The following USH2A variants were observed in gnomAD, a reference collection of about 807,000 sequenced individuals.
USH2A encodes the protein Usher syndrome 2A (autosomal recessive, mild).
In USH2A, 443 loss-of-function variants were observed where a neutral mutation model predicts 538.9. The observed-to-expected ratio is 0.82, with a 90% CI of 0.76 to 0.89. USH2A has a LOEUF of 0.89. Ranked by LOEUF, USH2A falls within the 40% of genes least tolerant of loss-of-function variation. USH2A has a pLI of 0.00. For missense variants in USH2A, 6,633 were observed against 6,324.8 expected, an observed-to-expected ratio of 1.05 and a Z score of -1.65; for synonymous variants, 2,413 against 2,273.5, an observed-to-expected ratio of 1.06 and a Z score of -1.75.
intron 44 of USH2A, among the ~76,000 whole-genome samples, chr1:215,856,455 C>T (rs977212051): frequency 1.3e-4 from 20 of 152,146 alleles, no homozygotes; most frequent in Non-Finnish European, 2.1e-4. Context: ...AAATACTCAA[C>T]ATCACTAATG....
intron 4 of USH2A, among the ~76,000 whole-genome samples, chr1:216,362,191 A>C (rs2038504479): frequency 6.6e-6 from 1 of 152,182 alleles, no homozygotes. Flanking sequence ...GCCATCAAAA[A>C]ACTGAAGAAA....
chr1:216,370,676 T>TCAAAAAAAAAAAAA (rs2038694437), intron 3 of USH2A, among the ~76,000 whole-genome samples: 2 of 5,996 alleles, frequency 3.3e-4, no homozygotes, highest in Non-Finnish European at 5.9e-4. Context: ...AGACTCTGTC[T>TCAAAAAAAAAAAAA]CAAAAAAAAA....
Position 216,409,417 on chromosome 1 carries a change from TAGAC to T in USH2A, c.651+9093_651+9096del, listed in dbSNP as rs576417810. On this transcript the variant is annotated intron_variant, in intron 3 of 71. Transcript: ENST00000307340. ...ATATAAAACCAAAAATGAGCCCAAATAGACAGAGAATCCTACACAAAAATAACAA... is the reference window on the plus strand; with the variant it reads ...ATATAAAACCAAAAATGAGCCCAAATAGAGAATCCTACACAAAAATAACAA... Among the ~76,000 whole-genome samples, 28 of 152,102 alleles carry T rather than the reference TAGAC, an allele frequency of 1.8e-4. No individual in the cohort carries two copies. The East Asian group carries it at 4.8e-3, about 26-fold the overall frequency.
At position 216,175,335 on chromosome 1, in the gene USH2A, G is replaced by A. The variant is rs373599651; in HGVS notation, c.4544C>T (p.Thr1515Met). Residue 1515 changes from threonine to methionine, a missense_variant, in exon 21 of 72, where the codon ACG becomes ATG. Coordinates refer to ENST00000307340, the MANE Select transcript of USH2A (RefSeq NM_206933.4). ...RESSLPALMT[T>M]MMKGIRFIGN... ...TATGAAACGGATTCCTTTCATCATCGTGGTCATCAGAGCTGGTAGAGATGA... is the reference window on the plus strand; with the variant it reads ...TATGAAACGGATTCCTTTCATCATCATGGTCATCAGAGCTGGTAGAGATGA... 72 of 1,613,636 alleles carry A rather than the reference G, an allele frequency of 4.5e-5. No homozygotes were observed. Among genetic ancestry groups the A allele is most frequent in the Middle Eastern group, 3.3e-4 (2 of 6,082 alleles).
rs1287393756 is a variant in USH2A at position 216,033,160 on chromosome 1, T to C, written c.6325+13271A>G. ...AAATAAGACAGAATCTGAATCTGCA[T>C]CTGCCTGCATTCCTGAATGACTGTG... On this transcript the variant is annotated intron_variant, in intron 32 of 71. Coordinates refer to ENST00000307340, the MANE Select transcript of USH2A (RefSeq NM_206933.4). Among the ~76,000 whole-genome samples, 3 of 152,202 alleles carry C rather than the reference T, an allele frequency of 2.0e-5. No individual in the cohort carries two copies. In the East Asian group the frequency reaches 5.8e-4, roughly 29 times the overall value.
chr1:215,819,750 A>G (rs557140206), intron 47 of USH2A, among the ~76,000 whole-genome samples: 3 of 151,934 alleles, frequency 2.0e-5, no homozygotes, highest in South Asian at 2.1e-4. Flanking sequence ...CTTGTGCAAC[A>G]TAACTGTTAA....
intron 35 of USH2A, among the ~76,000 whole-genome samples, chr1:215,981,342 C>T (rs1425426695): frequency 6.6e-6 from 1 of 151,966 alleles, no homozygotes; most frequent in South Asian, 2.1e-4. Context: ...AATATCATCT[C>T]TCTTATTATT....
chr1:216,338,121 A>T (rs2038008662), intron 4 of USH2A, among the ~76,000 whole-genome samples: 1 of 151,512 alleles, frequency 6.6e-6, no homozygotes, highest in South Asian at 2.1e-4. Context: ...CAATTCCAAT[A>T]AAAAATCTCA....
At chr1:216,262,407 A>G (rs149636318) in intron 11 of USH2A, among the ~76,000 whole-genome samples, 373 of 152,230 alleles carry the variant, frequency 2.5e-3, no homozygotes, top group African/African-American at 8.6e-3. Flanking sequence ...ATTGGAGCTG[A>G]GCAATTTAGT....
intron 27 of USH2A, 95 bp from the exon 28 acceptor site, chr1:216,073,395 G>T: frequency 7.5e-7 from 1 of 1,340,056 alleles, no homozygotes; most frequent in South Asian, 1.3e-5. Context: ...TTGAGGAAGG[G>T]GGGTGGTTAG....
rs540907903 is a variant in USH2A at position 216,329,838 on chromosome 1, C to T, written c.785-2184G>A. 7.2e-5 allele frequency among the ~76,000 whole-genome samples: 11 copies of T among 151,932 alleles called. No homozygotes were observed. In the South Asian group the frequency reaches 1.9e-3, roughly 26 times the overall value. On this transcript the variant is annotated intron_variant, in intron 4 of 71. Transcript: ENST00000307340. ...GTTTGCAGTACTTTTGCATGGCAGC[C>T]GTGGAAAACTGACAGTCTTCATTTC... is the stretch of plus-strand genomic sequence containing the variant.
At chr1:215,982,193 T>C (rs959935758) in intron 35 of USH2A, among the ~76,000 whole-genome samples, 22 of 152,202 alleles carry the variant, frequency 1.4e-4, no homozygotes, top group Non-Finnish European at 1.6e-4. Flanking sequence ...TAAGCTTTCA[T>C]TTCTTGACCA....
At chr1:216,159,507 G>T (rs928357925) in intron 21 of USH2A, among the ~76,000 whole-genome samples, 2 of 149,888 alleles carry the variant, frequency 1.3e-5, no homozygotes, top group South Asian at 4.2e-4. Flanking sequence ...AATAAAACCT[G>T]CATGGTCATG....
At chr1:215,906,185 G>A (rs1303874967) in intron 38 of USH2A, among the ~76,000 whole-genome samples, 3 of 152,096 alleles carry the variant, frequency 2.0e-5, no homozygotes, top group Admixed American at 6.6e-5. Flanking sequence ...ACACAAGGAT[G>A]CACAAACAGA....
At position 215,650,741 on chromosome 1, in the gene USH2A, G is replaced by T. The variant is rs55838724; in HGVS notation, c.14194C>A (p.Pro4732Thr). ...PSSWTWCRTG[P>T]APPEGLRAPT... ...GCTCTGAGACCTTCTGGTGGGGCTG[G>T]CCCGGTTCTGCACCATGTCCAGCTA... Residue 4732 changes from proline (P) to threonine (T), a missense_variant, in exon 65 of 72, where the codon CCA becomes ACA. By Grantham distance (38) the Pro-to-Thr change is conservative. Transcript: ENST00000307340. 9 of 1,613,694 alleles carry T rather than the reference G, an allele frequency of 5.6e-6. No individual in the cohort carries two copies. The highest frequency in any genetic ancestry group is 7.6e-6 in the Non-Finnish European group (9 of 1,179,960).
intron 21 of USH2A, among the ~76,000 whole-genome samples, chr1:216,144,582 C>T (rs907316382): frequency 3.9e-5 from 6 of 152,054 alleles, no homozygotes; most frequent in African/African-American, 1.4e-4. Flanking sequence ...CTATAAAATA[C>T]ATTTTGAAAA....
intron 43 of USH2A, among the ~76,000 whole-genome samples, chr1:215,871,963 T>G (rs1305306197): frequency 6.6e-6 from 1 of 152,188 alleles, no homozygotes; most frequent in African/African-American, 2.4e-5. Flanking sequence ...GCAGAATGCC[T>G]GGGGTTATTT....
At chr1:215,688,272 G>A (rs1333496246) in intron 61 of USH2A, among the ~76,000 whole-genome samples, 3 of 152,070 alleles carry the variant, frequency 2.0e-5, no homozygotes, top group Non-Finnish European at 4.4e-5. Flanking sequence ...GTGCGACCAA[G>A]CTGGGTGATG....
intron 64 of USH2A, among the ~76,000 whole-genome samples, chr1:215,664,709 G>C (rs980837878): frequency 9.2e-5 from 14 of 152,234 alleles, no homozygotes; most frequent in African/African-American, 3.4e-4. Flanking sequence ...TGGTATGGAG[G>C]CCTTTGGGAG....
Sources: gnomAD v4.1 joint callset for allele counts (sites outside exome capture counted in the v4.1 genomes callset) on GRCh38, gnomAD v4.1.1 for gene constraint, MANE v1.5 for transcripts, NCBI Gene and HGNC (gene_info 2026-07-23, HGNC 2026-07-21) for gene names.